The following UBTF variants were observed in gnomAD, a reference collection of about 807,000 sequenced individuals.
The protein encoded by UBTF is upstream binding transcription factor.
In UBTF, 8 loss-of-function variants were observed where a neutral mutation model predicts 112.3. The observed-to-expected ratio is 0.07, with a 90% confidence interval of 0.04 to 0.13. The LOEUF (loss-of-function observed/expected upper bound fraction) is 0.13, where lower values mean the gene tolerates loss of function less well. Ranked by LOEUF, UBTF falls within the 10% of genes least tolerant of loss-of-function variation. The pLI, the probability that UBTF is intolerant of heterozygous loss-of-function variation, is 1.00. For synonymous variants in UBTF, 417 were observed against 373.1 expected (o/e 1.12, Z -1.36); for missense variants, 457 against 982.1 (o/e 0.47, Z 7.15).
At chr17:44,216,450 C>T in intron 3 of UBTF, 79 bp downstream of exon 3, 1 of 1,534,150 alleles carries the variant, frequency 6.5e-7, no homozygotes, top group Admixed American at 1.7e-5. Context: ...TCTTTCCTTC[C>T]TGTTTACAGC....
At chr17:44,214,877 C>T (rs775067634) in intron 5 of UBTF, among the ~76,000 whole-genome samples, 1 of 152,216 alleles carries the variant, frequency 6.6e-6, no homozygotes, top group South Asian at 2.1e-4. Context: ...TTTGTGTCCT[C>T]TGTCCCCATC....
chr17:44,216,634 G>A lies in UBTF; in HGVS notation c.129C>T (p.Ser43=). Residue 43 remains serine (S), a synonymous_variant, in exon 3 of 21, where the codon AGC becomes AGT. Transcript: ENST00000436088. The part of the protein sequence containing the change: ...CMKNNLPSND[S]SKFKTTESHM... ...GTGATTCGGTGGTTTTGAACTTGGA[G>A]CTGTCATTGGATGGAAGGTTGTTCT... The A allele has an allele frequency of 6.2e-7, 1 of 1,613,918 alleles. No individual in the cohort carries two copies.
chr17:44,209,173 T>TAA (rs67856160), intron 17 of UBTF, 179 bp downstream of exon 17: 2,140 of 537,354 alleles, frequency 4.0e-3, no homozygotes, highest in East Asian at 0.018. Flanking sequence ...TCTCAAAAAA[T>TAA]AAAAAAAAAA....
rs777410027 is a variant in UBTF at position 44,211,276 on chromosome 17, G to A, written c.1089+14C>T. On this transcript the variant is annotated intron_variant, in intron 11 of 20. Coordinates refer to ENST00000436088, the MANE Select transcript of UBTF (RefSeq NM_014233.4). The surrounding 1 kb of genome is among the most constrained non-coding windows in gnomAD (Gnocchi z 4.9). ...AGTCTTCTCTGCCCACTGCCCCACCGGAGGAACACTCACCTCGAGGAAACG... is the reference window on the plus strand; with the variant it reads ...AGTCTTCTCTGCCCACTGCCCCACCAGAGGAACACTCACCTCGAGGAAACG... 57 of 1,614,080 alleles carry A rather than the reference G, an allele frequency of 3.5e-5. No homozygotes were observed. The Admixed American group carries it at 4.5e-4, about 13-fold the overall frequency.
intron 5 of UBTF, 184 bp downstream of exon 5, chr17:44,215,470 T>G: frequency 1.5e-6 from 1 of 686,148 alleles, no homozygotes; most frequent in East Asian, 2.7e-5. Context: ...ATGGTGCCTG[T>G]GCCTGACCAT....
Position 44,210,108 on chromosome 17 carries a change from C to G in UBTF, c.1626+16G>C. 2 of 1,612,554 alleles carry G rather than the reference C, an allele frequency of 1.2e-6. No individual in the cohort carries two copies. The highest frequency in any genetic ancestry group is 2.2e-5 in the South Asian group (2 of 91,052). The stretch of plus-strand genomic sequence containing the variant: ...CGAGCTTTCAATGAATGGGGTGGCC[C>G]CAGCCCCATTCCTACCTCATATCGC... On this transcript the variant is annotated intron_variant, in intron 15 of 20. Coordinates refer to ENST00000436088, the MANE Select transcript of UBTF (RefSeq NM_014233.4).
chr17:44,219,355 C>T (rs1463719744), intron 1 of UBTF, 90 bp downstream of exon 1: 1 of 151,034 alleles, frequency 6.6e-6, no homozygotes, highest in Non-Finnish European at 1.5e-5. Flanking sequence ...GTGGTCGCTT[C>T]GGGTCCCCGC....
At chr17:44,216,093 T>C in intron 3 of UBTF, 104 bp from the exon 4 acceptor site, 1 of 935,540 alleles carries the variant, frequency 1.1e-6, no homozygotes. Context: ...TTTACTAGAC[T>C]AAATTTACCA....
intron 1 of UBTF, 62 bp from the exon 2 acceptor site, chr17:44,218,358 T>TA: frequency 1.0e-6 from 1 of 969,082 alleles, no homozygotes; most frequent in Non-Finnish European, 1.6e-6. Flanking sequence ...AACGACTTTC[T>TA]AACCGCCCAG....
intron 8 of UBTF, 81 bp from the exon 9 acceptor site, chr17:44,212,087 G>T (rs559380509): frequency 1.6e-5 from 23 of 1,483,496 alleles, no homozygotes; most frequent in Non-Finnish European, 1.9e-5. Context: ...CCGCTGGGGA[G>T]GGCAGGCAGG....
At chr17:44,215,538 T>C (rs1248475358) in intron 5 of UBTF, 116 bp downstream of exon 5, 1 of 1,339,844 alleles carries the variant, frequency 7.5e-7, no homozygotes, top group Admixed American at 2.0e-5. Context: ...TCTGCTGTGC[T>C]GACTCACCCT....
In UBTF at chr17:44,214,335, C is replaced by T. The variant is rs189054352; in HGVS notation, c.475-1053G>A. Among the ~76,000 whole-genome samples the T allele has an allele frequency of 2.6e-4, 40 of 152,334 alleles. 1 individual carries two copies. The highest frequency in any genetic ancestry group is 2.4e-3 in the Admixed American group (37 of 15,302). ...AAACAGTTTTAGACCTGAAGGGGAC[C>T]ACACAGACCTGGCTCACCTCACATA... On this transcript the variant is annotated intron_variant, in intron 5 of 20. Transcript: ENST00000436088.
chr17:44,208,649 C>A (rs2056436344), intron 17 of UBTF: 2 of 160,064 alleles, frequency 1.2e-5, no homozygotes, highest in South Asian at 1.4e-4. Context: ...TCCCCACAGT[C>A]TTCCTGGGTC....
chr17:44,212,968 G>C (rs1458612375), intron 6 of UBTF, 29 bp from the exon 7 acceptor site: 1 of 1,611,680 alleles, frequency 6.2e-7, no homozygotes, highest in South Asian at 1.1e-5. Flanking sequence ...GCAAGGATCA[G>C]CAGGGGACGC....
rs1458662308 is a variant in UBTF, at chr17:44,210,112, C to T, written c.1626+12G>A. On this transcript the variant is annotated intron_variant, in intron 15 of 20. Transcript: ENST00000436088. ...CTTTCAATGAATGGGGTGGCCCCAG[C>T]CCCATTCCTACCTCATATCGCTTTT... is the stretch of plus-strand genomic sequence containing the variant. 8 of 1,613,916 alleles carry T rather than the reference C, an allele frequency of 5.0e-6. No individual in the cohort carries two copies. In the East Asian group the frequency reaches 1.6e-4, roughly 31 times the overall value.
At chr17:44,209,844 G>A in intron 15 of UBTF, 111 bp from the exon 16 acceptor site, 3 of 1,191,728 alleles carry the variant, frequency 2.5e-6, no homozygotes, top group Non-Finnish European at 3.6e-6. Context: ...TGCCAGGGAG[G>A]AGGAGAAACA....
Position 44,211,090 on chromosome 17 carries a change from CTTG to C in UBTF, c.1149_1151del (p.Asn383del). 10 of 1,613,146 alleles carry C rather than the reference CTTG, an allele frequency of 6.2e-6. No homozygotes were observed. The highest frequency in any genetic ancestry group is 8.5e-6 in the Non-Finnish European group (10 of 1,180,004). Reference sequence around the variant, plus strand: ...TGGAGGCGGGGCTGGTGGCCTGCTTCTTGTTGATGTTCAGCATCTTCTCTTCCC... The same window carrying C: ...TGGAGGCGGGGCTGGTGGCCTGCTTCTTGATGTTCAGCATCTTCTCTTCCC... On this transcript the variant is annotated inframe_deletion, in exon 12 of 21. Transcript: ENST00000436088. This position sits in a 1 kb window ranked among gnomAD's most constrained non-coding sequence, Gnocchi z 4.9.
At position 44,211,859 on chromosome 17, in the gene UBTF, A is replaced by C. The variant is rs778146050; in HGVS notation, c.905+14T>G. On this transcript the variant is annotated intron_variant, in intron 9 of 20. Coordinates refer to ENST00000436088, the MANE Select transcript of UBTF (RefSeq NM_014233.4). This position sits in a 1 kb window ranked among gnomAD's most constrained non-coding sequence, Gnocchi z 4.9. The stretch of plus-strand genomic sequence containing the variant: ...AGCTGCCCACTCGCCCACCCATCCC[A>C]GGGCAGCGCTCACGGAGGTGGCTTG... The C allele has an allele frequency of 5.0e-6, 8 of 1,611,246 alleles. No individual in the cohort carries two copies. Among genetic ancestry groups the C allele is most frequent in the Non-Finnish European group, 6.8e-6 (8 of 1,179,210 alleles).
At chr17:44,212,129 G>T in intron 8 of UBTF, 123 bp from the exon 9 acceptor site, 1 of 1,010,092 alleles carries the variant, frequency 9.9e-7, no homozygotes, top group Non-Finnish European at 1.5e-6. Context: ...CGCGTCAGTG[G>T]TGTCACACGA....
Sources: gnomAD v4.1 joint callset for allele counts (sites outside exome capture counted in the v4.1 genomes callset) on GRCh38, gnomAD v4.1.1 for gene constraint, Gnocchi (gnomAD v3.1) non-coding constraint, MANE v1.5 for transcripts, NCBI Gene and HGNC (gene_info 2026-07-23, HGNC 2026-07-21) for gene names.